Variants in DPH6 observed in about 807,000 individuals in gnomAD.
The protein encoded by DPH6 is diphthine--ammonia ligase.
Under a neutral mutation model 38.2 loss-of-function variants are expected in DPH6, and 33 were observed. The ratio of observed to expected loss-of-function variants is 0.86; its 90% CI spans 0.65 to 1.15. DPH6 has a LOEUF of 1.15. Ranked by LOEUF, DPH6 falls within the 50% of genes most tolerant of loss-of-function variation. The pLI is 0.00. For missense variants in DPH6, 325 were observed against 320.0 expected (o/e 1.02, Z -0.12); for synonymous variants, 108 against 103.0 (o/e 1.05, Z -0.30).
chr15:35,496,565 AAAATATATATAT>A (rs2054554678), intron 3 of DPH6, among the ~76,000 whole-genome samples: 2 of 20,150 alleles, frequency 9.9e-5, no homozygotes, highest in Admixed American at 1.1e-3. Context: ...CAAAAAAAAA[AAAATATATATAT>A]ATATATATAT....
At chr15:35,404,327 T>A (rs920332572) in intron 6 of DPH6, among the ~76,000 whole-genome samples, 1 of 152,188 alleles carries the variant, frequency 6.6e-6, no homozygotes, top group Non-Finnish European at 1.5e-5. Flanking sequence ...GTAGTTGTAC[T>A]AATTTACATT....
intron 3 of DPH6, among the ~76,000 whole-genome samples, chr15:35,356,097 C>T (rs1287801262): frequency 1.3e-5 from 2 of 152,164 alleles, no homozygotes; most frequent in Admixed American, 6.5e-5. Context: ...CTTGTGTATT[C>T]GTCACATAGT....
chr15:35,393,901 T>G (rs1424037106), intron 6 of DPH6, among the ~76,000 whole-genome samples: 1 of 152,118 alleles, frequency 6.6e-6, no homozygotes, highest in East Asian at 1.9e-4. Context: ...ATGGTAGTTC[T>G]GTTTACTGAT....
the DPH6 span, among the ~76,000 whole-genome samples, chr15:35,190,362 A>C: frequency 6.6e-6 from 1 of 152,184 alleles, no homozygotes; most frequent in Non-Finnish European, 1.5e-5. Context: ...GGGGTTTTTA[A>C]GGATAAGTTG....
chr15:35,229,195 G>C (rs935058192), intron 3 of DPH6, among the ~76,000 whole-genome samples: 11 of 151,916 alleles, frequency 7.2e-5, no homozygotes, highest in African/African-American at 2.4e-4. Flanking sequence ...TTGCTGTTTT[G>C]AGGCTATTTT....
intron 3 of DPH6, among the ~76,000 whole-genome samples, chr15:35,352,154 G>A (rs2052518216): frequency 6.6e-6 from 1 of 151,814 alleles, no homozygotes; most frequent in African/African-American, 2.4e-5. Context: ...AATTTTCTGA[G>A]TTTGTCTTTA....
chr15:35,378,385 T>C (rs550518099), intron 7 of DPH6, among the ~76,000 whole-genome samples: 5 of 152,320 alleles, frequency 3.3e-5, no homozygotes, highest in African/African-American at 1.2e-4. Flanking sequence ...GGTGGGAGTG[T>C]AAATTAGTTC....
chr15:35,159,229 T>C, the DPH6 span, among the ~76,000 whole-genome samples: 2 of 152,106 alleles, frequency 1.3e-5, no homozygotes, highest in African/African-American at 4.8e-5. Context: ...CCATGTACTC[T>C]GCGTTTTCTT....
rs1023510138 is a variant in DPH6, at chr15:35,501,340, T to C, written c.312+36934A>G. Among the ~76,000 whole-genome samples the C allele has an allele frequency of 9.2e-5, 14 of 152,312 alleles. 1 individual carries two copies. Among genetic ancestry groups the C allele is most frequent in the East Asian group, 7.7e-4 (4 of 5,180 alleles). ...CTCATGAATACCAGAGCAGTCCTCT[T>C]GTTAGATGAGTTTAGCTTAGTCAGA... On this transcript the variant is annotated intron_variant, in intron 3 of 8. Transcript: ENST00000256538.
chr15:35,381,698 GTGTT>G (rs1327748552), intron 7 of DPH6, 120 bp downstream of exon 7: 6 of 721,658 alleles, frequency 8.3e-6, no homozygotes, highest in Middle Eastern at 6.7e-4. Flanking sequence ...AACAAATTGA[GTGTT>G]TGTGAACTTA....
chr15:35,345,848 A>T (rs2052457418), intron 3 of DPH6, among the ~76,000 whole-genome samples: 1 of 151,994 alleles, frequency 6.6e-6, no homozygotes, highest in Non-Finnish European at 1.5e-5. Context: ...AATGTGAGAG[A>T]AGATATATAT....
chr15:35,209,642 C>G, the DPH6 span, among the ~76,000 whole-genome samples: 2 of 152,230 alleles, frequency 1.3e-5, no homozygotes, highest in Admixed American at 1.3e-4. Flanking sequence ...TAGTATATTT[C>G]AACAGTTTCT....
At position 35,371,599 on chromosome 15, in the gene DPH6, T is replaced by C. The variant is rs1420458531; in HGVS notation, c.*551A>G. ...TGAAAAACAGCATTTTAAAAATCAGTTATAAAATAACTTGTAAGAGTTAAG... is the reference window on the plus strand; with the variant it reads ...TGAAAAACAGCATTTTAAAAATCAGCTATAAAATAACTTGTAAGAGTTAAG... On this transcript the variant is annotated 3_prime_UTR_variant, in exon 9 of 9. Transcript: ENST00000256538. 1.0e-6 allele frequency: 1 copy of C among 982,944 alleles called. No individual in the cohort carries two copies. The highest frequency in any genetic ancestry group is 1.2e-6 in the Non-Finnish European group (1 of 827,862). The allele number at this position is 982,944 out of a possible 1,614,324, so 60.9% of individuals were successfully genotyped here. A position where few individuals can be genotyped will look rare whatever the true frequency, so the allele number is the denominator to read the frequency against.
At chr15:35,513,241 G>A (rs1322652100) in intron 3 of DPH6, among the ~76,000 whole-genome samples, 2 of 151,922 alleles carry the variant, frequency 1.3e-5, no homozygotes, top group South Asian at 2.1e-4. Flanking sequence ...TTATACTTTC[G>A]TGTATTTTTT....
intron 3 of DPH6, among the ~76,000 whole-genome samples, chr15:35,256,258 C>G (rs1002751193): frequency 1.3e-5 from 2 of 152,024 alleles, no homozygotes; most frequent in African/African-American, 4.8e-5. Context: ...ACGATCCTGG[C>G]CAGTTACCAT....
intron 3 of DPH6, among the ~76,000 whole-genome samples, chr15:35,273,623 G>C (rs1030651261): frequency 1.3e-5 from 2 of 152,150 alleles, no homozygotes; most frequent in Non-Finnish European, 2.9e-5. Context: ...AACAGACAGA[G>C]AGCCAAATCC....
At chr15:35,489,288 A>T (rs1050770442) in intron 3 of DPH6, 39 of 973,862 alleles carry the variant, frequency 4.0e-5, no homozygotes, top group Non-Finnish European at 4.6e-5. Context: ...ATTCAAAGAA[A>T]ATGGAAAGGA....
intron 3 of DPH6, among the ~76,000 whole-genome samples, chr15:35,509,452 AC>A (rs2054738680): frequency 6.6e-6 from 1 of 152,330 alleles, no homozygotes; most frequent in Non-Finnish European, 1.5e-5. Flanking sequence ...GCCTGACAGC[AC>A]TGCACATTTC....
At chr15:35,440,436 C>T (rs563350413) in intron 5 of DPH6, among the ~76,000 whole-genome samples, 3 of 152,162 alleles carry the variant, frequency 2.0e-5, no homozygotes, top group African/African-American at 4.8e-5. Context: ...TTCAGGCCAT[C>T]GAACTCCAAA....
Sources: allele counts gnomAD v4.1 joint callset (sites outside exome capture counted in the v4.1 genomes callset), GRCh38; gene constraint gnomAD v4.1.1; transcripts MANE v1.5; gene names NCBI Gene and HGNC (gene_info 2026-07-23, HGNC 2026-07-21).